CSMD1: variants seen among roughly 807,000 people sequenced by gnomAD.
The protein encoded by CSMD1 is CUB and Sushi multiple domains 1, also known as CUB and sushi domain-containing protein 1.
In CSMD1, 213 loss-of-function variants were observed where a neutral mutation model predicts 417.5. The observed-to-expected ratio is 0.51, with a 90% CI of 0.46 to 0.57. The LOEUF (loss-of-function observed/expected upper bound fraction) is 0.57, where lower values mean the gene tolerates loss of function less well. Among genes scored for constraint, CSMD1 ranks in the 20% least tolerant of loss-of-function variants. The probability of loss-of-function intolerance (pLI) is 0.00; values close to 1 mark genes in which losing one functional copy is unlikely to be tolerated. For synonymous variants in CSMD1, 2,862 were observed against 1,736.8 expected, an observed-to-expected ratio of 1.65 and a Z score of -16.11; for missense variants, 6,923 against 4,529.7, an observed-to-expected ratio of 1.53 and a Z score of -15.17.
chr8:3,287,999 G>GT (rs1803283809), intron 25 of CSMD1, among the ~76,000 whole-genome samples: 1 of 147,130 alleles, frequency 6.8e-6, no homozygotes, highest in Non-Finnish European at 1.5e-5. Context: ...TTTATTGAGA[G>GT]TTTTTAGCAT....
At chr8:4,517,039 T>G (rs1274856338) in intron 2 of CSMD1, among the ~76,000 whole-genome samples, 1 of 152,210 alleles carries the variant, frequency 6.6e-6, no homozygotes, top group Non-Finnish European at 1.5e-5. Flanking sequence ...GACTAATTAT[T>G]TAGATCTCTG....
chr8:4,869,004 T>A (rs1481629754), intron 1 of CSMD1, among the ~76,000 whole-genome samples: 2 of 151,934 alleles, frequency 1.3e-5, no homozygotes, highest in Non-Finnish European at 2.9e-5. Flanking sequence ...AGATAATATA[T>A]ATACATTTTA....
At chr8:4,961,683 A>G (rs952344454) in intron 1 of CSMD1, among the ~76,000 whole-genome samples, 5 of 151,760 alleles carry the variant, frequency 3.3e-5, no homozygotes, top group Non-Finnish European at 7.4e-5. Context: ...AGTAATTTTT[A>G]TTGTTTTTTT....
chr8:4,318,070 G>C (rs761287223), intron 3 of CSMD1, among the ~76,000 whole-genome samples: 10 of 152,102 alleles, frequency 6.6e-5, no homozygotes, highest in African/African-American at 9.7e-5. Context: ...TCTCACGTAA[G>C]TGTGACATTT....
In CSMD1 at chr8:3,583,681, T is replaced by G. The variant is rs550732345; in HGVS notation, c.1222+2455A>C. On this transcript the variant is annotated intron_variant, in intron 9 of 69. Coordinates refer to ENST00000635120, the MANE Select transcript of CSMD1 (RefSeq NM_033225.6). ...ATCAGGGCTGGGTGATTTTGAAACT[T>G]CTCAGCCTCTGCAGATGGCAAAAGA... Among the ~76,000 whole-genome samples the G allele has an allele frequency of 3.3e-5, 5 of 152,088 alleles. No individual in the cohort carries two copies. In the East Asian group the frequency reaches 9.7e-4, roughly 30 times the overall value.
At chr8:3,293,175 G>T (rs906928059) in intron 25 of CSMD1, among the ~76,000 whole-genome samples, 3 of 152,158 alleles carry the variant, frequency 2.0e-5, no homozygotes, top group Admixed American at 6.5e-5. Flanking sequence ...CTGGCTTGTA[G>T]AGTTTTTGCC....
At chr8:4,036,092 A>G (rs1029294245) in intron 3 of CSMD1, among the ~76,000 whole-genome samples, 1 of 152,196 alleles carries the variant, frequency 6.6e-6, no homozygotes, top group Non-Finnish European at 1.5e-5. Flanking sequence ...CATGCTGTAC[A>G]GGTTTGCACT....
intron 26 of CSMD1, among the ~76,000 whole-genome samples, chr8:3,269,306 C>G (rs1403116087): frequency 6.6e-6 from 1 of 152,186 alleles, no homozygotes; most frequent in African/African-American, 2.4e-5. Context: ...GAGGAAGATG[C>G]CGAGAGCAGA....
At chr8:4,606,057 C>G (rs1037991603) in intron 2 of CSMD1, among the ~76,000 whole-genome samples, 7 of 152,126 alleles carry the variant, frequency 4.6e-5, no homozygotes, top group Non-Finnish European at 1.0e-4. Context: ...TTTTGGAAGC[C>G]TGAGAAGGAT....
At chr8:3,594,391 T>C (rs17066499) in intron 8 of CSMD1, among the ~76,000 whole-genome samples, 16,972 of 152,192 alleles carry the variant, frequency 0.11, 1,124 homozygotes, top group African/African-American at 0.17. Flanking sequence ...GGGTTACGTC[T>C]TGAAAGATGC....
chr8:4,449,355 T>G (rs1328312113), intron 2 of CSMD1, among the ~76,000 whole-genome samples: 1 of 152,136 alleles, frequency 6.6e-6, no homozygotes, highest in Non-Finnish European at 1.5e-5. Context: ...TCCCCCTCTC[T>G]TTTTTTCCAG....
chr8:3,404,559 G>A (rs1995230), intron 15 of CSMD1, among the ~76,000 whole-genome samples: 45,305 of 151,786 alleles, frequency 0.3, 7,278 homozygotes, highest in East Asian at 0.52. Context: ...TTTAGATAGG[G>A]CAGAAATTCT....
intron 1 of CSMD1, among the ~76,000 whole-genome samples, chr8:4,838,811 A>C (rs1327893199): frequency 6.6e-6 from 1 of 152,148 alleles, no homozygotes; most frequent in African/African-American, 2.4e-5. Flanking sequence ...CTGGCTCCCA[A>C]ACCAAGTGCT....
intron 3 of CSMD1, among the ~76,000 whole-genome samples, chr8:4,278,387 T>C (rs1796602059): frequency 6.6e-6 from 1 of 152,198 alleles, no homozygotes. Context: ...TTATCAGCTA[T>C]ACAGAATATG....
At chr8:4,126,165 C>T (rs947449990) in intron 3 of CSMD1, among the ~76,000 whole-genome samples, 4 of 152,142 alleles carry the variant, frequency 2.6e-5, no homozygotes, top group African/African-American at 9.7e-5. Flanking sequence ...ACTTCCCAAG[C>T]CCCCACCCAC....
chr8:4,155,361 G>A (rs77690287), intron 3 of CSMD1, among the ~76,000 whole-genome samples: 5 of 152,132 alleles, frequency 3.3e-5, no homozygotes, highest in Non-Finnish European at 7.3e-5. Context: ...AAACAGCCAC[G>A]CTGCTTCTAA....
intron 12 of CSMD1, among the ~76,000 whole-genome samples, chr8:3,420,533 A>G (rs1813422709): frequency 6.7e-6 from 1 of 149,350 alleles, no homozygotes; most frequent in African/African-American, 2.4e-5. Context: ...ATATAGGGAA[A>G]CTGGCTGTGG....
At chr8:4,441,268 T>TC (rs962763580) in intron 2 of CSMD1, among the ~76,000 whole-genome samples, 4 of 138,982 alleles carry the variant, frequency 2.9e-5, no homozygotes, top group African/African-American at 1.1e-4. Context: ...CAGTTTTTTT[T>TC]TTTTTTTTTT....
intron 3 of CSMD1, among the ~76,000 whole-genome samples, chr8:4,369,540 A>G (rs936904690): frequency 6.6e-6 from 1 of 152,184 alleles, no homozygotes; most frequent in African/African-American, 2.4e-5. Flanking sequence ...TCAGTGCAGT[A>G]TTGAAGTCTC....
Sources: gnomAD v4.1 joint callset for allele counts (sites outside exome capture counted in the v4.1 genomes callset) on GRCh38, gnomAD v4.1.1 for gene constraint, MANE v1.5 for transcripts, NCBI Gene and HGNC (gene_info 2026-07-23, HGNC 2026-07-21) for gene names.